FZD3: variants seen among roughly 807,000 people sequenced by gnomAD.
The protein encoded by FZD3 is frizzled class receptor 3.
In FZD3, 30 loss-of-function variants were observed where a neutral mutation model predicts 60.7. The ratio of observed to expected loss-of-function variants is 0.49; its 90% confidence interval spans 0.37 to 0.67. The LOEUF (loss-of-function observed/expected upper bound fraction) is 0.67, where lower values mean the gene tolerates loss of function less well. Among genes scored for constraint, FZD3 ranks in the 30% least tolerant of loss-of-function variants. The pLI is 0.00. For synonymous variants in FZD3, 246 were observed against 275.2 expected (o/e 0.89, Z 1.05); for missense variants, 605 against 838.7 (o/e 0.72, Z 3.44).
chr8:28,559,054 G>A (rs946567177), intron 7 of FZD3, among the ~76,000 whole-genome samples: 1 of 152,178 alleles, frequency 6.6e-6, no homozygotes, highest in Non-Finnish European at 1.5e-5. Flanking sequence ...AGATTGGTTC[G>A]TGAAAGTATC....
intron 6 of FZD3, among the ~76,000 whole-genome samples, chr8:28,553,160 A>G (rs1285255572): frequency 1.3e-5 from 2 of 152,218 alleles, no homozygotes; most frequent in African/African-American, 4.8e-5. Context: ...ATATCAGATA[A>G]TGCATTTCTC....
intron 4 of FZD3, among the ~76,000 whole-genome samples, chr8:28,526,025 A>C (rs565684319): frequency 6.6e-6 from 1 of 152,304 alleles, no homozygotes; most frequent in Admixed American, 6.5e-5. Context: ...AGTGGAAGTC[A>C]AGAATTTGCT....
chr8:28,535,488 A>T (rs1387009260), intron 5 of FZD3, among the ~76,000 whole-genome samples: 1 of 152,228 alleles, frequency 6.6e-6, no homozygotes, highest in African/African-American at 2.4e-5. Context: ...CCAGGAGATG[A>T]CATGTAGTAG....
intron 5 of FZD3, among the ~76,000 whole-genome samples, chr8:28,545,332 A>C (rs985806022): frequency 1.3e-5 from 2 of 152,248 alleles, no homozygotes; most frequent in Non-Finnish European, 2.9e-5. Context: ...GACTTTGCTA[A>C]GATCTCTTGG....
At chr8:28,504,606 T>C (rs1408465148) in intron 3 of FZD3, among the ~76,000 whole-genome samples, 1 of 152,208 alleles carries the variant, frequency 6.6e-6, no homozygotes, top group African/African-American at 2.4e-5. Context: ...CTCCTGATCT[T>C]TGTTTTCTTC....
chr8:28,505,698 C>T (rs1804120503), intron 3 of FZD3, among the ~76,000 whole-genome samples: 1 of 152,114 alleles, frequency 6.6e-6, no homozygotes, highest in East Asian at 1.9e-4. Context: ...GTGCCTGGAA[C>T]ACAATGGTAT....
At chr8:28,504,645 C>T (rs941164239) in intron 3 of FZD3, among the ~76,000 whole-genome samples, 1 of 152,132 alleles carries the variant, frequency 6.6e-6, no homozygotes, top group Non-Finnish European at 1.5e-5. Flanking sequence ...TAATGATACA[C>T]CTTGAAGGGC....
Position 28,528,135 on chromosome 8 carries a change from A to G in FZD3, c.1375A>G (p.Arg459Gly). The G allele has an allele frequency of 6.2e-7, 1 of 1,613,584 alleles. No homozygotes were observed. The highest frequency in any genetic ancestry group is 8.5e-7 in the Non-Finnish European group (1 of 1,179,680). The change falls in exon 5 of 8, where the codon AGA (arginine) becomes GGA (glycine). Residue 459 changes from arginine to glycine, a missense_variant. Physicochemically the swap from Arg to Gly is moderately radical, Grantham distance 125. Transcript: ENST00000240093. ...WETTWIQERC[R>G]EYHIPCPYQV... ...AACAACGTGGATACAAGAACGCTGC[A>G]GAGAATATCACATTCCATGTCCATA... is the stretch of plus-strand genomic sequence containing the variant.
Position 28,503,216 on chromosome 8 carries a change from T to A in FZD3, c.189+14T>A, listed in dbSNP as rs532933401. 4 of 1,566,214 alleles carry A rather than the reference T, an allele frequency of 2.6e-6. No homozygotes were observed. The South Asian group carries it at 4.5e-5, about 18-fold the overall frequency. On this transcript the variant is annotated intron_variant, in intron 3 of 7. Coordinates refer to ENST00000240093, the MANE Select transcript of FZD3 (RefSeq NM_017412.4). ...TTGGCAATGGAGGTAAGACTTGATC[T>A]ATTCTTTGACGTATCTTAGTAAATG...
At chr8:28,512,749 G>A (rs1804322360) in intron 3 of FZD3, among the ~76,000 whole-genome samples, 2 of 152,114 alleles carry the variant, frequency 1.3e-5, no homozygotes, top group Admixed American at 6.5e-5. Flanking sequence ...GTGATTCAAA[G>A]AGAGAATATG....
At chr8:28,544,526 T>C (rs1805250347) in intron 5 of FZD3, among the ~76,000 whole-genome samples, 2 of 152,214 alleles carry the variant, frequency 1.3e-5, no homozygotes, top group African/African-American at 4.8e-5. Flanking sequence ...TTTGTTGATA[T>C]CTATCATAAT....
chr8:28,498,237 C>T (rs1803895615), intron 1 of FZD3, among the ~76,000 whole-genome samples: 1 of 152,108 alleles, frequency 6.6e-6, no homozygotes, highest in African/African-American at 2.4e-5. Context: ...AGGGCCCTGG[C>T]CCCTGAAGCT....
rs866549304 is a variant in FZD3 at position 28,566,069 on chromosome 8, C to G, written c.*3058C>G. 3.3e-5 allele frequency: 5 copies of G among 152,194 alleles called. No homozygotes were observed. Among genetic ancestry groups the G allele is most frequent in the African/African-American group, 7.2e-5 (3 of 41,562 alleles). 9.4% of individuals were successfully genotyped at this position (152,194 alleles called of 1,614,324 possible). Reference sequence around the variant, plus strand: ...AACAATTGGTTAATAACTCAGCTGGCACAGGGATTCATACACAGTTTTTCA... The same window carrying G: ...AACAATTGGTTAATAACTCAGCTGGGACAGGGATTCATACACAGTTTTTCA... On this transcript the variant is annotated 3_prime_UTR_variant, in exon 8 of 8. Coordinates refer to ENST00000240093, the MANE Select transcript of FZD3 (RefSeq NM_017412.4).
At chr8:28,503,892 G>T (rs1263690405) in intron 3 of FZD3, among the ~76,000 whole-genome samples, 1 of 152,122 alleles carries the variant, frequency 6.6e-6, no homozygotes, top group Non-Finnish European at 1.5e-5. Context: ...TTCTTTGCTT[G>T]TAACTTAGAG....
chr8:28,524,253 A>G (rs1804660660), intron 4 of FZD3, among the ~76,000 whole-genome samples: 1 of 152,194 alleles, frequency 6.6e-6, no homozygotes, highest in Non-Finnish European at 1.5e-5. Flanking sequence ...GTTGTGGTCT[A>G]TCACTTGAAA....
intron 3 of FZD3, among the ~76,000 whole-genome samples, chr8:28,516,991 A>G (rs1286127738): frequency 6.6e-6 from 1 of 152,188 alleles, no homozygotes; most frequent in Non-Finnish European, 1.5e-5. Flanking sequence ...CATGTATTTT[A>G]AGATGATATT....
Position 28,562,871 on chromosome 8 carries a change from T to C in FZD3, c.1861T>C (p.Ser621Pro), listed in dbSNP as rs968617110. ...HGSMSRLTDH[S>P]RHSSSHRLNE... ...CAGCATGTCACGACTAACAGATCAC[T>C]CCAGGCATAGTAGTTCTCATCGGCT... The change falls in exon 8 of 8, where the codon TCC becomes CCC. Residue 621 changes from serine (S) to proline (P), a missense_variant. By Grantham distance (74) the Ser-to-Pro change is moderately conservative (BLOSUM62 -1). Coordinates refer to ENST00000240093, the MANE Select transcript of FZD3 (RefSeq NM_017412.4). 1.7e-5 allele frequency: 27 copies of C among 1,613,620 alleles called. No homozygotes were observed. The highest frequency in any genetic ancestry group is 2.1e-5 in the Non-Finnish European group (25 of 1,179,614).
chr8:28,541,862 C>T (rs536714274), intron 5 of FZD3, among the ~76,000 whole-genome samples: 1 of 152,342 alleles, frequency 6.6e-6, no homozygotes, highest in South Asian at 2.1e-4. Flanking sequence ...CTCTTTCTCA[C>T]ATATCTCAGA....
intron 3 of FZD3, among the ~76,000 whole-genome samples, chr8:28,504,773 A>G (rs902834837): frequency 6.6e-6 from 1 of 152,252 alleles, no homozygotes; most frequent in Non-Finnish European, 1.5e-5. Context: ...AAAGGGAAGT[A>G]CTAGAAACAC....
Sources: allele counts gnomAD v4.1 joint callset (sites outside exome capture counted in the v4.1 genomes callset), GRCh38; gene constraint gnomAD v4.1.1; transcripts MANE v1.5; gene names NCBI Gene and HGNC (gene_info 2026-07-23, HGNC 2026-07-21).